Variants in DCC observed in about 807,000 individuals in gnomAD.
DCC encodes the protein DCC netrin 1 receptor.
A neutral mutation model predicts 172.5 loss-of-function variants in DCC; 58 were observed. The ratio of observed to expected loss-of-function variants is 0.34; its 90% confidence interval spans 0.27 to 0.42. DCC has a LOEUF of 0.42. Ranked by LOEUF, DCC falls within the 10% of genes least tolerant of loss-of-function variation. The pLI, the probability that DCC is intolerant of heterozygous loss-of-function variation, is 1.00. For synonymous variants in DCC, 709 were observed against 644.5 expected (o/e 1.10, Z -1.52); for missense variants, 1,740 against 1,791.0 (o/e 0.97, Z 0.51).
intron 23 of DCC, among the ~76,000 whole-genome samples, chr18:53,458,892 C>G (rs556297675): frequency 6.6e-6 from 1 of 152,198 alleles, no homozygotes; most frequent in Non-Finnish European, 1.5e-5. Flanking sequence ...ATGTTGCCAT[C>G]AGGTACCTTA....
intron 7 of DCC, among the ~76,000 whole-genome samples, chr18:53,153,225 A>G (rs2054672462): frequency 6.6e-6 from 1 of 152,226 alleles, no homozygotes; most frequent in Non-Finnish European, 1.5e-5. Context: ...GTTTAAAAAT[A>G]CGTTTCTCAA....
intron 12 of DCC, among the ~76,000 whole-genome samples, chr18:53,292,979 C>T (rs980072436): frequency 2.0e-5 from 3 of 152,150 alleles, no homozygotes; most frequent in Admixed American, 2.0e-4. Flanking sequence ...CCATACTACT[C>T]CTACTGCAAA....
chr18:52,745,179 C>A (rs539465988), intron 1 of DCC, among the ~76,000 whole-genome samples: 5 of 152,240 alleles, frequency 3.3e-5, no homozygotes, highest in African/African-American at 1.2e-4. Flanking sequence ...ATTAATAAAA[C>A]GTGTTGAAAT....
intron 2 of DCC, among the ~76,000 whole-genome samples, chr18:52,819,723 ACT>A (rs1491393221): frequency 2.6e-5 from 2 of 77,522 alleles, no homozygotes; most frequent in Non-Finnish European, 5.9e-5. Context: ...TAACTTGTGA[ACT>A]TTTTTTTTTT....
At position 53,135,575 on chromosome 18, in the gene DCC, G is replaced by A. The variant is rs932102849; in HGVS notation, c.1262-21781G>A. On this transcript the variant is annotated intron_variant, in intron 7 of 28. Coordinates refer to ENST00000442544, the MANE Select transcript of DCC (RefSeq NM_005215.4). ...CTTCTTCCAGTGTGGGTACAGTTAC[G>A]AATATTGCCACCTAGGGCTGACAGC... 5.3e-5 allele frequency among the ~76,000 whole-genome samples: 8 copies of A among 152,186 alleles called. No homozygotes were observed. In the East Asian group the frequency reaches 5.8e-4, roughly 11 times the overall value.
intron 2 of DCC, among the ~76,000 whole-genome samples, chr18:52,864,713 G>A (rs992273471): frequency 6.6e-6 from 1 of 151,636 alleles, no homozygotes; most frequent in Non-Finnish European, 1.5e-5. Flanking sequence ...GCCCCAGTGT[G>A]TGTTGTTCCC....
chr18:53,276,207 CAT>C (rs1199002069), intron 12 of DCC, among the ~76,000 whole-genome samples: 6 of 152,114 alleles, frequency 3.9e-5, no homozygotes, highest in Non-Finnish European at 5.9e-5. Flanking sequence ...AAATCTATAA[CAT>C]ATAGCTTCAC....
chr18:53,224,472 G>A (rs139794481), intron 12 of DCC, among the ~76,000 whole-genome samples: 77 of 152,238 alleles, frequency 5.1e-4, no homozygotes, highest in Non-Finnish European at 9.9e-4. Context: ...TGAAAGGAGA[G>A]TAATCAGATT....
chr18:52,656,006 ATATATATGTGTGTATATATATG>A (rs1300482775), intron 1 of DCC, among the ~76,000 whole-genome samples: 13,180 of 136,076 alleles, frequency 0.097, 754 homozygotes, highest in Admixed American at 0.14. Flanking sequence ...ATGTGCGTAT[ATATATATGTGTGTATATATATG>A]TATATATGTG....
chr18:53,066,528 C>A (rs2042573445), intron 7 of DCC, among the ~76,000 whole-genome samples: 1 of 150,162 alleles, frequency 6.7e-6, no homozygotes. Context: ...CCTTCTCCCT[C>A]TTTTGTGGCC....
At chr18:53,517,351 T>A (rs1488133747) in intron 27 of DCC, among the ~76,000 whole-genome samples, 1 of 151,914 alleles carries the variant, frequency 6.6e-6, no homozygotes. Flanking sequence ...TAATGCTAGA[T>A]GACGAGTTAG....
chr18:52,750,433 G>GTGTCAATATCC (rs2036977007), intron 1 of DCC, among the ~76,000 whole-genome samples: 1 of 152,112 alleles, frequency 6.6e-6, no homozygotes, highest in African/African-American at 2.4e-5. Context: ...TGTCATCTGG[G>GTGTCAATATCC]ATCTTTATCA....
At chr18:52,724,858 T>C (rs1428729001) in intron 1 of DCC, among the ~76,000 whole-genome samples, 1 of 152,184 alleles carries the variant, frequency 6.6e-6, no homozygotes, top group East Asian at 1.9e-4. Flanking sequence ...GACGGAGTCT[T>C]GGTCTTCACT....
intron 1 of DCC, among the ~76,000 whole-genome samples, chr18:52,383,120 T>C (rs896132179): frequency 6.6e-6 from 1 of 152,128 alleles, no homozygotes; most frequent in Non-Finnish European, 1.5e-5. Context: ...TTACACCTGA[T>C]ACATCCCTTA....
intron 5 of DCC, among the ~76,000 whole-genome samples, chr18:53,018,013 T>C (rs1045226581): frequency 6.6e-6 from 1 of 152,314 alleles, no homozygotes; most frequent in Admixed American, 6.5e-5. Flanking sequence ...ATGTACATAA[T>C]CTTGTCTTGA....
chr18:52,454,833 C>T (rs532465543), intron 1 of DCC, among the ~76,000 whole-genome samples: 6 of 152,144 alleles, frequency 3.9e-5, no homozygotes, highest in Non-Finnish European at 7.4e-5. Flanking sequence ...CCATGAAGAA[C>T]GAAACATTTC....
chr18:52,407,823 C>T (rs1360279024), intron 1 of DCC, among the ~76,000 whole-genome samples: 3 of 152,076 alleles, frequency 2.0e-5, no homozygotes, highest in Admixed American at 6.6e-5. Flanking sequence ...CAGCTTCCCT[C>T]TCCAAATATT....
intron 1 of DCC, among the ~76,000 whole-genome samples, chr18:52,556,145 A>G (rs2032908101): frequency 6.6e-6 from 1 of 152,116 alleles, no homozygotes. Flanking sequence ...CTAAATACCA[A>G]TCCTATACAT....
chr18:52,617,398 C>T (rs541047972), intron 1 of DCC, among the ~76,000 whole-genome samples: 1 of 152,070 alleles, frequency 6.6e-6, no homozygotes, highest in Admixed American at 6.6e-5. Context: ...ATGTTAATGG[C>T]TGTGAGGAAT....
Sources: gnomAD v4.1 joint callset for allele counts (sites outside exome capture counted in the v4.1 genomes callset) on GRCh38, gnomAD v4.1.1 for gene constraint, MANE v1.5 for transcripts, NCBI Gene and HGNC (gene_info 2026-07-23, HGNC 2026-07-21) for gene names.